RNF150: variants seen among roughly 807,000 people sequenced by gnomAD.
RNF150 encodes ring finger protein 150.
A neutral mutation model predicts 39.3 loss-of-function variants in RNF150; 24 were observed. The observed-to-expected ratio is 0.61, with a 90% CI of 0.44 to 0.86. The LOEUF is 0.86. Ranked by LOEUF, RNF150 falls within the 40% of genes least tolerant of loss-of-function variation. The pLI, the probability that RNF150 is intolerant of heterozygous loss-of-function variation, is 0.00. For synonymous variants in RNF150, 255 were observed against 227.3 expected (o/e 1.12, Z -1.10); for missense variants, 502 against 587.8 (o/e 0.85, Z 1.51).
At chr4:140,899,966 C>CTGTG (rs1196123157) in intron 6 of RNF150, among the ~76,000 whole-genome samples, 2 of 117,224 alleles carry the variant, frequency 1.7e-5, no homozygotes, top group African/African-American at 6.6e-5. Context: ...CTCTCTCTCT[C>CTGTG]TCTCTCTCTG....
At chr4:141,207,422 G>A (rs888307004) in intron 1 of RNF150, among the ~76,000 whole-genome samples, 6 of 152,072 alleles carry the variant, frequency 3.9e-5, no homozygotes, top group Non-Finnish European at 8.8e-5. Flanking sequence ...GTCTGTTCCT[G>A]GAGGGGGTCA....
At chr4:140,960,613 C>T (rs1459278719) in intron 2 of RNF150, among the ~76,000 whole-genome samples, 1 of 152,142 alleles carries the variant, frequency 6.6e-6, no homozygotes, top group Non-Finnish European at 1.5e-5. Context: ...AGTTGATCAA[C>T]AATGGCCAAT....
At chr4:140,908,065 T>A (rs1314835020) in intron 6 of RNF150, among the ~76,000 whole-genome samples, 1 of 152,250 alleles carries the variant, frequency 6.6e-6, no homozygotes, top group East Asian at 1.9e-4. Context: ...TTATTTGCAA[T>A]TTATAGCAAT....
chr4:140,999,993 A>AGGAG (rs1414434256), intron 1 of RNF150, among the ~76,000 whole-genome samples: 1 of 63,306 alleles, frequency 1.6e-5, no homozygotes. Flanking sequence ...GAAAAGAAGA[A>AGGAG]AAGAAGAAGA....
intron 1 of RNF150, among the ~76,000 whole-genome samples, chr4:141,187,111 A>T (rs1728026216): frequency 6.6e-6 from 1 of 152,148 alleles, no homozygotes; most frequent in African/African-American, 2.4e-5. Context: ...TTTGTTATTT[A>T]CCCAAGTAGT....
In RNF150 at chr4:140,999,983, GAAAAGAAGA is replaced by G. The variant is rs1360487899; in HGVS notation, c.485-32119_485-32111del. On this transcript the variant is annotated intron_variant, in intron 1 of 6. Coordinates refer to ENST00000515673, the MANE Select transcript of RNF150 (RefSeq NM_020724.2). The stretch of plus-strand genomic sequence containing the variant: ...AAGAAGAAGAAGAAGAAGAAAAGAA[GAAAAGAAGA>G]AAAGAAGAAGAAGAAGAAGAAGAAG... Among the ~76,000 whole-genome samples the G allele has an allele frequency of 1.2e-3, 46 of 37,784 alleles. 2 individuals carry two copies. The highest frequency in any genetic ancestry group is 9.4e-3 in the South Asian group (5 of 534). 24.8% of individuals were successfully genotyped at this position (37,784 alleles called of 152,430 possible). A position where few individuals can be genotyped will look rare whatever the true frequency, so the allele number is the denominator to read the frequency against.
At chr4:140,900,724 T>G (rs959006797) in intron 6 of RNF150, among the ~76,000 whole-genome samples, 5 of 152,148 alleles carry the variant, frequency 3.3e-5, no homozygotes, top group African/African-American at 1.2e-4. Flanking sequence ...CCATGATGTG[T>G]CTGACCAATA....
At chr4:140,956,689 A>G (rs1365414907) in intron 2 of RNF150, among the ~76,000 whole-genome samples, 1 of 152,202 alleles carries the variant, frequency 6.6e-6, no homozygotes, top group South Asian at 2.1e-4. Context: ...ACAGCATGGT[A>G]CTGGTACCAA....
chr4:141,074,528 T>C (rs1737823193), intron 1 of RNF150, among the ~76,000 whole-genome samples: 1 of 152,004 alleles, frequency 6.6e-6, no homozygotes, highest in African/African-American at 2.4e-5. Flanking sequence ...GGGATTAGCA[T>C]CAGTAGGAGG....
At position 140,899,944 on chromosome 4, in the gene RNF150, T is replaced by TTCTCTCTCTCTCTCTCTCTCTCTCTCTC. The variant is rs60297205; in HGVS notation, c.1198+11172_1198+11199dup. 9.3e-4 allele frequency among the ~76,000 whole-genome samples: 102 copies of TTCTCTCTCTCTCTCTCTCTCTCTCTCTC among 110,038 alleles called. 3 individuals carry two copies. Among genetic ancestry groups the TTCTCTCTCTCTCTCTCTCTCTCTCTCTC allele is most frequent in the Middle Eastern group, 4.7e-3 (1 of 214 alleles). 72.2% of individuals were successfully genotyped at this position (110,038 alleles called of 152,430 possible). ...ATCCTAGTAGGTTCTCTCTCTCACT[T>TTCTCTCTCTCTCTCTCTCTCTCTCTCTC]TCTCTCTCTCTCTCTCTCTCTCTCT... On this transcript the variant is annotated intron_variant, in intron 6 of 6. Coordinates refer to ENST00000515673, the MANE Select transcript of RNF150 (RefSeq NM_020724.2).
chr4:140,929,278 G>C (rs1263222201), intron 4 of RNF150, among the ~76,000 whole-genome samples: 2 of 151,010 alleles, frequency 1.3e-5, no homozygotes, highest in Non-Finnish European at 2.9e-5. Context: ...CTGATCCACA[G>C]ACACTGGTCG....
At chr4:140,988,677 C>T (rs1384782211) in intron 1 of RNF150, among the ~76,000 whole-genome samples, 1 of 132,422 alleles carries the variant, frequency 7.6e-6, no homozygotes, top group East Asian at 2.5e-4. Flanking sequence ...GAATATAAAT[C>T]ATGCTGCTAT....
At chr4:140,969,537 T>TCAA (rs1310393520) in intron 1 of RNF150, among the ~76,000 whole-genome samples, 1 of 152,148 alleles carries the variant, frequency 6.6e-6, no homozygotes, top group African/African-American at 2.4e-5. Context: ...ATCTTCTTTG[T>TCAA]ATACTGGACT....
intron 1 of RNF150, among the ~76,000 whole-genome samples, chr4:141,016,366 C>T (rs117820163): frequency 6.6e-6 from 1 of 152,316 alleles, no homozygotes; most frequent in East Asian, 1.9e-4. Context: ...ATTGCCATGG[C>T]AACACCTGGA....
At chr4:141,043,410 GT>G (rs1448312423) in intron 1 of RNF150, among the ~76,000 whole-genome samples, 82 of 152,118 alleles carry the variant, frequency 5.4e-4, no homozygotes, top group Non-Finnish European at 4.4e-5. Context: ...GTTTCTTTAT[GT>G]AAAAATTCAT....
At chr4:140,990,959 A>G (rs925571282) in intron 1 of RNF150, among the ~76,000 whole-genome samples, 6 of 152,194 alleles carry the variant, frequency 3.9e-5, no homozygotes, top group Non-Finnish European at 8.8e-5. Context: ...GCAATAGTGC[A>G]AAAGTGTTCC....
intron 4 of RNF150, among the ~76,000 whole-genome samples, chr4:140,931,616 T>C (rs1731640298): frequency 1.3e-5 from 2 of 152,192 alleles, no homozygotes; most frequent in Admixed American, 6.5e-5. Context: ...AATCTTCCCA[T>C]GGTTTAACAA....
chr4:140,925,118 G>A (rs1731338925), intron 5 of RNF150, among the ~76,000 whole-genome samples: 1 of 152,128 alleles, frequency 6.6e-6, no homozygotes. Flanking sequence ...AGGGGGAGCT[G>A]GCATCTGCAT....
chr4:140,983,618 T>C (rs1733928695), intron 1 of RNF150, among the ~76,000 whole-genome samples: 1 of 152,102 alleles, frequency 6.6e-6, no homozygotes, highest in South Asian at 2.1e-4. Context: ...TTTTATTACC[T>C]TTCCTGGGCA....
Sources: allele counts gnomAD v4.1 joint callset (sites outside exome capture counted in the v4.1 genomes callset), GRCh38; gene constraint gnomAD v4.1.1; transcripts MANE v1.5; gene names NCBI Gene and HGNC (gene_info 2026-07-23, HGNC 2026-07-21).